The following LARGE1 variants were observed in gnomAD, a reference collection of about 807,000 sequenced individuals.
LARGE1 encodes the protein LARGE xylosyl- and glucuronyltransferase 1, also known as xylosyl- and glucuronyltransferase LARGE1.
LARGE1 carries 43 observed loss-of-function variants against 87.6 expected under a neutral mutation model. The ratio of observed to expected loss-of-function variants is 0.49; its 90% CI spans 0.38 to 0.63. The LOEUF (loss-of-function observed/expected upper bound fraction) is 0.63. LARGE1 is among the 30% of genes least tolerant of loss of function. LARGE1 has a pLI of 0.00. For synonymous variants in LARGE1, 434 were observed against 394.6 expected, an observed-to-expected ratio of 1.10 and a Z score of -1.18; for missense variants, 802 against 1,000.2, an observed-to-expected ratio of 0.80 and a Z score of 2.67.
intron 9 of LARGE1, among the ~76,000 whole-genome samples, chr22:33,356,909 C>T (rs1475240337): frequency 1.3e-5 from 2 of 152,194 alleles, no homozygotes; most frequent in Admixed American, 1.3e-4. Context: ...AATGCTTATA[C>T]ACTGTTGGTG....
At chr22:33,422,297 G>T (rs902798371) in intron 7 of LARGE1, among the ~76,000 whole-genome samples, 2 of 152,166 alleles carry the variant, frequency 1.3e-5, no homozygotes, top group African/African-American at 4.8e-5. Flanking sequence ...TTGCTACAGG[G>T]AAATACCCAA....
At chr22:33,446,425 C>A (rs1169124164) in intron 6 of LARGE1, among the ~76,000 whole-genome samples, 1 of 152,204 alleles carries the variant, frequency 6.6e-6, no homozygotes, top group Non-Finnish European at 1.5e-5. Context: ...CTATGTGTGG[C>A]TGGCGTCTGA....
intron 1 of LARGE1, among the ~76,000 whole-genome samples, chr22:33,840,843 G>C (rs554024105): frequency 2.6e-5 from 4 of 152,130 alleles, no homozygotes; most frequent in African/African-American, 7.2e-5. Flanking sequence ...GGCTGGTCTC[G>C]AACTCCTGGG....
chr22:33,669,418 T>C (rs1256203707), intron 2 of LARGE1, among the ~76,000 whole-genome samples: 1 of 152,240 alleles, frequency 6.6e-6, no homozygotes, highest in Non-Finnish European at 1.5e-5. Context: ...TCTGGTAGAT[T>C]ATAACATTAG....
At chr22:33,713,972 GTAACA>G (rs796663388) in intron 2 of LARGE1, among the ~76,000 whole-genome samples, 4,508 of 119,648 alleles carry the variant, frequency 0.038, 136 homozygotes, top group African/African-American at 0.092. Flanking sequence ...AGTAAATAAC[GTAACA>G]TAACGTAACA....
chr22:33,152,597 T>TTAAATTTTTGTGG, the LARGE1 span, among the ~76,000 whole-genome samples: 4 of 152,132 alleles, frequency 2.6e-5, no homozygotes, highest in African/African-American at 9.7e-5. Context: ...TGGTTAAATT[T>TTAAATTTTTGTGG]TAAATTTTTG....
intron 1 of LARGE1, among the ~76,000 whole-genome samples, chr22:33,775,391 C>CA (rs2085201097): frequency 6.6e-6 from 1 of 152,202 alleles, no homozygotes; most frequent in East Asian, 1.9e-4. Context: ...AGCTGCTATG[C>CA]GGCCTCACAC....
chr22:33,295,553 CAG>C (rs1397681575), intron 12 of LARGE1, among the ~76,000 whole-genome samples: 1 of 152,174 alleles, frequency 6.6e-6, no homozygotes, highest in African/African-American at 2.4e-5. Context: ...AATACGTGGG[CAG>C]AGAGGAAGGA....
intron 11 of LARGE1, among the ~76,000 whole-genome samples, chr22:33,315,415 A>G (rs1453904585): frequency 2.0e-5 from 3 of 152,210 alleles, no homozygotes; most frequent in African/African-American, 4.8e-5. Flanking sequence ...CTTCATCAAT[A>G]CACATAGAAG....
chr22:33,117,520 G>A, the LARGE1 span, among the ~76,000 whole-genome samples: 1 of 151,828 alleles, frequency 6.6e-6, no homozygotes, highest in East Asian at 1.9e-4. Context: ...ACATTGAGGA[G>A]ATTGGGGAGG....
intron 6 of LARGE1, among the ~76,000 whole-genome samples, chr22:33,442,690 T>C (rs1038274482): frequency 3.9e-5 from 6 of 152,140 alleles, no homozygotes; most frequent in African/African-American, 1.4e-4. Context: ...CTTTTACTTG[T>C]GCTGTCCATA....
chr22:33,130,483 C>G, the LARGE1 span, among the ~76,000 whole-genome samples: 1 of 151,766 alleles, frequency 6.6e-6, no homozygotes, highest in Admixed American at 6.6e-5. Flanking sequence ...GAGCAAGACA[C>G]TGTCTAATAA....
In LARGE1 at chr22:33,783,234, G is replaced by GA. The variant is rs879651892; in HGVS notation, c.-82-21677dup. Among the ~76,000 whole-genome samples the GA allele has an allele frequency of 7.2e-3, 1,035 of 143,408 alleles. 13 individuals carry two copies. The highest frequency in any genetic ancestry group is 0.033 in the Middle Eastern group (9 of 274). The allele number at this position is 143,408 out of a possible 152,430, so 94.1% of individuals were successfully genotyped here. On this transcript the variant is annotated intron_variant, in intron 1 of 14. Transcript: ENST00000397394. The stretch of plus-strand genomic sequence containing the variant: ...TCTCTTTGAGCACTATGTTTCTTCA[G>GA]AAAAAAAAAAAATTTGCAAGAGCAG...
intron 11 of LARGE1, among the ~76,000 whole-genome samples, chr22:33,197,017 A>G (rs1318053138): frequency 1.3e-5 from 2 of 152,194 alleles, no homozygotes; most frequent in Non-Finnish European, 1.5e-5. Flanking sequence ...TTGAAAATTA[A>G]TCAATTAATT....
chr22:33,443,951 A>G (rs987210132), intron 6 of LARGE1, among the ~76,000 whole-genome samples: 3 of 152,226 alleles, frequency 2.0e-5, no homozygotes, highest in Non-Finnish European at 2.9e-5. Flanking sequence ...ACCTCCATCC[A>G]TGGAAATTTT....
intron 7 of LARGE1, among the ~76,000 whole-genome samples, chr22:33,423,414 C>T (rs1011824202): frequency 2.0e-5 from 3 of 151,864 alleles, no homozygotes; most frequent in African/African-American, 4.8e-5. Context: ...CGGTGGCTCA[C>T]GCCTGTAATC....
At chr22:33,569,213 C>T (rs983295100) in intron 5 of LARGE1, among the ~76,000 whole-genome samples, 1 of 152,174 alleles carries the variant, frequency 6.6e-6, no homozygotes, top group African/African-American at 2.4e-5. Flanking sequence ...TTTAATCAGA[C>T]CTTTGATTAA....
chr22:33,262,411 G>A (rs892709211), intron 11 of LARGE1, among the ~76,000 whole-genome samples: 2 of 152,142 alleles, frequency 1.3e-5, no homozygotes, highest in African/African-American at 4.8e-5. Flanking sequence ...CTGGTGCTAC[G>A]ACTGGGCCTC....
At chr22:33,099,706 T>C in the LARGE1 span, among the ~76,000 whole-genome samples, 2 of 152,160 alleles carry the variant, frequency 1.3e-5, no homozygotes, top group Non-Finnish European at 2.9e-5. Flanking sequence ...GCATTAAATA[T>C]AGTTGAGTCA....
Sources: allele counts gnomAD v4.1 joint callset (sites outside exome capture counted in the v4.1 genomes callset), GRCh38; gene constraint gnomAD v4.1.1; transcripts MANE v1.5; gene names NCBI Gene and HGNC (gene_info 2026-07-23, HGNC 2026-07-21).